Variants in DGKI observed in about 807,000 individuals in gnomAD.
DGKI encodes the protein DAG kinase iota.
DGKI carries 55 observed loss-of-function variants against 147.5 expected under a neutral mutation model. The ratio of observed to expected loss-of-function variants is 0.37; its 90% confidence interval spans 0.30 to 0.47. The LOEUF is 0.47. Among genes scored for constraint, DGKI ranks in the 20% least tolerant of loss-of-function variants. The probability of loss-of-function intolerance (pLI) is 1.00; values close to 1 mark genes in which losing one functional copy is unlikely to be tolerated. For missense variants in DGKI, 1,007 were observed against 1,323.8 expected, an observed-to-expected ratio of 0.76 and a Z score of 3.71; for synonymous variants, 469 against 477.1, an observed-to-expected ratio of 0.98 and a Z score of 0.22.
In DGKI at chr7:137,632,373, A is replaced by T. The variant is rs1821151435; in HGVS notation, c.805-8819T>A. ...TCCCCAGGAGAAGAATCTTACAATA[A>T]CACAGCAAGAGTCTATGGTAACACT... is the stretch of plus-strand genomic sequence containing the variant. On this transcript the variant is annotated intron_variant, in intron 6 of 32. Transcript: ENST00000614521. 2.6e-5 allele frequency among the ~76,000 whole-genome samples: 4 copies of T among 152,230 alleles called. No individual in the cohort carries two copies. The South Asian group carries it at 8.3e-4, about 31-fold the overall frequency.
At chr7:137,685,111 T>C (rs538037371) in intron 2 of DGKI, among the ~76,000 whole-genome samples, 1 of 152,324 alleles carries the variant, frequency 6.6e-6, no homozygotes, top group South Asian at 2.1e-4. Context: ...AACTGTGTGA[T>C]GTTTCTATCT....
intron 20 of DGKI, among the ~76,000 whole-genome samples, chr7:137,528,994 T>C (rs973791244): frequency 2.0e-5 from 3 of 152,224 alleles, no homozygotes; most frequent in Non-Finnish European, 4.4e-5. Flanking sequence ...CAAAGCTAGA[T>C]GCATATCAAA....
At chr7:137,599,409 ACT>A (rs899094821) in intron 11 of DGKI, among the ~76,000 whole-genome samples, 5 of 151,344 alleles carry the variant, frequency 3.3e-5, no homozygotes, top group East Asian at 1.9e-4. Context: ...ACACACACAC[ACT>A]CTCTCTTTTC....
intron 1 of DGKI, among the ~76,000 whole-genome samples, chr7:137,754,643 T>C (rs767902002): frequency 2.0e-5 from 3 of 152,222 alleles, no homozygotes; most frequent in African/African-American, 4.8e-5. Flanking sequence ...ATTGATAGCA[T>C]GTCAAGTTGA....
At chr7:137,782,187 G>C (rs1796538987) in intron 1 of DGKI, among the ~76,000 whole-genome samples, 2 of 152,180 alleles carry the variant, frequency 1.3e-5, no homozygotes, top group African/African-American at 4.8e-5. Context: ...GAAGGCTCAT[G>C]GTCTGGGACA....
chr7:137,712,113 A>G (rs1794234411), intron 1 of DGKI, among the ~76,000 whole-genome samples: 1 of 152,196 alleles, frequency 6.6e-6, no homozygotes, highest in Non-Finnish European at 1.5e-5. Flanking sequence ...AGATACAAAT[A>G]TTTGGTTAAA....
rs531243312 is a variant in DGKI, at chr7:137,639,262, C to T, written c.804+6210G>A. ...ACTGGAATCAAAACCGGAGATTTAT[C>T]ATGAGACACATGACTTGGGCCAGAT... On this transcript the variant is annotated intron_variant, in intron 6 of 32. Coordinates refer to ENST00000614521, the MANE Select transcript of DGKI (RefSeq NM_001321708.2). Among the ~76,000 whole-genome samples the T allele has an allele frequency of 3.9e-5, 6 of 152,264 alleles. No homozygotes were observed. In the South Asian group the frequency reaches 1.2e-3, roughly 32 times the overall value.
At chr7:137,611,800 T>G (rs1379366241) in intron 8 of DGKI, among the ~76,000 whole-genome samples, 1 of 152,188 alleles carries the variant, frequency 6.6e-6, no homozygotes, top group African/African-American at 2.4e-5. Flanking sequence ...TAGTGTACAC[T>G]CGAATCATTG....
At chr7:137,826,479 C>A (rs1296700275) in intron 1 of DGKI, among the ~76,000 whole-genome samples, 2 of 152,162 alleles carry the variant, frequency 1.3e-5, no homozygotes, top group Non-Finnish European at 2.9e-5. Context: ...GCAAAATTAT[C>A]TGTATTTCTA....
At chr7:137,513,636 C>T (rs925020589) in intron 21 of DGKI, among the ~76,000 whole-genome samples, 1 of 152,116 alleles carries the variant, frequency 6.6e-6, no homozygotes, top group Non-Finnish European at 1.5e-5. Context: ...TTAACACAAA[C>T]CTAGGTGGAA....
rs774252732 is a variant in DGKI, at chr7:137,406,175, AG to A, written c.2920+1699del. Among the ~76,000 whole-genome samples the A allele has an allele frequency of 1.7e-4, 16 of 94,558 alleles. No individual in the cohort carries two copies. The Admixed American group carries it at 1.9e-3, about 11-fold the overall frequency. The allele number at this position is 94,558 out of a possible 152,430, so 62.0% of individuals were successfully genotyped here. A position where few individuals can be genotyped will look rare whatever the true frequency, so the allele number is the denominator to read the frequency against. ...GTAGATTGGAAGTGATCAAGAAGAC[AG>A]CAAATAGGAGAATTTTAAACCTGAG... On this transcript the variant is annotated intron_variant, in intron 30 of 32. Coordinates refer to ENST00000614521, the MANE Select transcript of DGKI (RefSeq NM_001321708.2).
chr7:137,745,790 AC>A (rs781261413), intron 1 of DGKI, among the ~76,000 whole-genome samples: 10 of 152,336 alleles, frequency 6.6e-5, no homozygotes, highest in South Asian at 2.1e-4. Context: ...AGAAAAAAAA[AC>A]ATATGCTGAG....
In DGKI at chr7:137,509,671, C is replaced by T. The variant is rs76271220; in HGVS notation, c.2248+12195G>A. Among the ~76,000 whole-genome samples the T allele has an allele frequency of 7.9e-5, 12 of 152,226 alleles. No homozygotes were observed. In the South Asian group the frequency reaches 2.5e-3, roughly 32 times the overall value. The stretch of plus-strand genomic sequence containing the variant: ...GGAGGACAAAGACCACTTGTCAATG[C>T]CTCAAAGGCAGTTTGATAACACCTA... On this transcript the variant is annotated intron_variant, in intron 21 of 32. Transcript: ENST00000614521.
chr7:137,643,290 CAAAAAAAAAAAA>C (rs10541603), intron 6 of DGKI, among the ~76,000 whole-genome samples: 6 of 61,670 alleles, frequency 9.7e-5, no homozygotes, highest in South Asian at 1.0e-3. Flanking sequence ...GACTCCGTCT[CAAAAAAAAAAAA>C]AAAAAAAAAA....
chr7:137,530,567 G>A (rs1053145496), intron 20 of DGKI, among the ~76,000 whole-genome samples: 2 of 152,058 alleles, frequency 1.3e-5, no homozygotes. Flanking sequence ...CCCAACTATA[G>A]TTATCTTTAA....
intron 6 of DGKI, among the ~76,000 whole-genome samples, chr7:137,637,420 T>C (rs1363116506): frequency 6.6e-6 from 1 of 152,236 alleles, no homozygotes; most frequent in Non-Finnish European, 1.5e-5. Flanking sequence ...ACCACTTGCC[T>C]AGTAGATATC....
At chr7:137,462,018 C>T (rs1298683506) in intron 27 of DGKI, among the ~76,000 whole-genome samples, 2 of 151,998 alleles carry the variant, frequency 1.3e-5, no homozygotes, top group South Asian at 2.1e-4. Context: ...TATTATGATA[C>T]GTACATCAGT....
At chr7:137,629,658 A>G (rs947405233) in intron 6 of DGKI, among the ~76,000 whole-genome samples, 8 of 152,220 alleles carry the variant, frequency 5.3e-5, no homozygotes, top group Non-Finnish European at 7.3e-5. Flanking sequence ...CTTACGGACT[A>G]TATCTGTCTT....
In DGKI at chr7:137,408,141, C is replaced by T. The variant is rs1300218074; in HGVS notation, c.2800-146G>A. On this transcript the variant is annotated intron_variant, in intron 29 of 32. Coordinates refer to ENST00000614521, the MANE Select transcript of DGKI (RefSeq NM_001321708.2). ...GAGAAAAGTCAAAAAGGTGAAGTAA[C>T]ATTCCTGGACTGTGTTATCACTCAC... The T allele has an allele frequency of 5.6e-6, 5 of 886,932 alleles. No individual in the cohort carries two copies. In the Middle Eastern group the frequency reaches 1.1e-3, roughly 188 times the overall value. 54.9% of individuals were successfully genotyped at this position (886,932 alleles called of 1,614,324 possible). A position where few individuals can be genotyped will look rare whatever the true frequency, so the allele number is the denominator to read the frequency against.
Sources: gnomAD v4.1 joint callset for allele counts (sites outside exome capture counted in the v4.1 genomes callset) on GRCh38, gnomAD v4.1.1 for gene constraint, MANE v1.5 for transcripts, NCBI Gene and HGNC (gene_info 2026-07-23, HGNC 2026-07-21) for gene names.